PDHX: variants seen among roughly 807,000 people sequenced by gnomAD.
PDHX encodes the protein pyruvate dehydrogenase complex component X.
In PDHX, 33 loss-of-function variants were observed where a neutral mutation model predicts 55.3. The observed-to-expected ratio is 0.60, with a 90% confidence interval of 0.45 to 0.80. PDHX has a LOEUF of 0.80. Ranked by LOEUF, PDHX falls within the 30% of genes least tolerant of loss-of-function variation. The pLI is 0.00. For synonymous variants in PDHX, 226 were observed against 219.4 expected (o/e 1.03, Z -0.27); for missense variants, 622 against 619.9 (o/e 1.00, Z -0.04).
chr11:34,995,867 T>A lies in PDHX; in HGVS notation c.*695T>A, dbSNP rs1047751954. 1 of 152,346 alleles carries A rather than the reference T, an allele frequency of 6.6e-6. No homozygotes were observed. The highest frequency in any genetic ancestry group is 6.5e-5 in the Admixed American group (1 of 15,270). The allele number at this position is 152,346 out of a possible 1,614,324, so 9.4% of individuals were successfully genotyped here. On this transcript the variant is annotated 3_prime_UTR_variant, in exon 11 of 11. Transcript: ENST00000227868. ...AAAGAATGACATTTCAAAAAAATGGTTCAATGAAAAACTATAGCTAAAATA... is the reference window on the plus strand; with the variant it reads ...AAAGAATGACATTTCAAAAAAATGGATCAATGAAAAACTATAGCTAAAATA...
At chr11:34,918,276 T>TTA (rs879358275) in intron 1 of PDHX, among the ~76,000 whole-genome samples, 2 of 142,324 alleles carry the variant, frequency 1.4e-5, no homozygotes, top group Non-Finnish European at 1.5e-5. Flanking sequence ...CGTCTCTACT[T>TTA]AAAAAAAAAA....
At chr11:34,956,156 A>G (rs984653246) in intron 3 of PDHX, among the ~76,000 whole-genome samples, 1 of 152,114 alleles carries the variant, frequency 6.6e-6, no homozygotes, top group Non-Finnish European at 1.5e-5. Flanking sequence ...GTATTCTTCC[A>G]TAGCTTGTAA....
chr11:34,935,737 G>T (rs2956126), intron 2 of PDHX, among the ~76,000 whole-genome samples: 119,345 of 152,064 alleles, frequency 0.78, 46,984 homozygotes, highest in East Asian at 0.83. Flanking sequence ...ATTATTATGC[G>T]TCATCTGGAG....
At chr11:34,972,885 C>T (rs1482499512) in intron 7 of PDHX, among the ~76,000 whole-genome samples, 1 of 152,034 alleles carries the variant, frequency 6.6e-6, no homozygotes, top group Non-Finnish European at 1.5e-5. Context: ...TTTCAGTTTT[C>T]TTAAATTTGT....
chr11:34,957,176 C>T (rs1400703571), intron 3 of PDHX, among the ~76,000 whole-genome samples: 1 of 152,016 alleles, frequency 6.6e-6, no homozygotes, highest in Non-Finnish European at 1.5e-5. Flanking sequence ...GTAGCATTAG[C>T]AAGTGGGAAG....
intron 9 of PDHX, among the ~76,000 whole-genome samples, chr11:34,989,822 C>T (rs1855723268): frequency 1.3e-5 from 2 of 152,198 alleles, no homozygotes; most frequent in African/African-American, 4.8e-5. Flanking sequence ...GTTCACCCTT[C>T]TGTGTTCCCT....
intron 9 of PDHX, among the ~76,000 whole-genome samples, chr11:34,987,217 G>T (rs549851726): frequency 4.0e-5 from 6 of 151,560 alleles, no homozygotes; most frequent in African/African-American, 1.5e-4. Context: ...TTTTTCTCCC[G>T]CAAAGTTACC....
At position 34,977,889 on chromosome 11, in the gene PDHX, T is replaced by A. The variant is rs1177471811; in HGVS notation, c.965-235T>A. ...ATGATATCTAAGCAATTTAAAAAAT[T>A]GATAACCAAGGCCCAGAAGTAAACT... On this transcript the variant is annotated intron_variant, in intron 7 of 10. Transcript: ENST00000227868. 8.9e-6 allele frequency: 5 copies of A among 560,268 alleles called. No homozygotes were observed. In the Admixed American group the frequency reaches 1.1e-4, roughly 12 times the overall value. The allele number at this position is 560,268 out of a possible 1,614,324, so 34.7% of individuals were successfully genotyped here. A position where few individuals can be genotyped will look rare whatever the true frequency, so the allele number is the denominator to read the frequency against.
intron 7 of PDHX, among the ~76,000 whole-genome samples, chr11:34,971,792 A>G (rs1855263599): frequency 6.6e-6 from 1 of 152,140 alleles, no homozygotes; most frequent in South Asian, 2.1e-4. Flanking sequence ...AATGGGTTGG[A>G]AAACATGTCC....
In PDHX at chr11:34,919,538, C is replaced by G. The variant is rs752485101; in HGVS notation, c.160+2723C>G. ...AGCACTTTCTAGAATTTCTCATTCACTTCTCACATAACCTAGTAAAGTTGG... is the reference window on the plus strand; with the variant it reads ...AGCACTTTCTAGAATTTCTCATTCAGTTCTCACATAACCTAGTAAAGTTGG... On this transcript the variant is annotated intron_variant, in intron 1 of 10. Transcript: ENST00000227868. Among the ~76,000 whole-genome samples the G allele has an allele frequency of 6.6e-5, 10 of 152,306 alleles. No individual in the cohort carries two copies. The South Asian group carries it at 2.1e-3, about 32-fold the overall frequency.
intron 1 of PDHX, among the ~76,000 whole-genome samples, chr11:34,929,314 A>G (rs3794162): frequency 0.19 from 28,832 of 152,134 alleles, 3,902 homozygotes; most frequent in African/African-American, 0.39. Flanking sequence ...CACTGCAACC[A>G]TCTCCTCCCA....
intron 4 of PDHX, among the ~76,000 whole-genome samples, chr11:34,958,819 CTG>C (rs1854959954): frequency 6.6e-6 from 1 of 152,142 alleles, no homozygotes; most frequent in Non-Finnish European, 1.5e-5. Context: ...TCAGGCCCCA[CTG>C]TGTAGGTTAA....
intron 2 of PDHX, among the ~76,000 whole-genome samples, chr11:34,943,440 G>C (rs1279008618): frequency 1.3e-5 from 2 of 152,116 alleles, no homozygotes; most frequent in African/African-American, 4.8e-5. Context: ...GCTAGAGTCT[G>C]TTTTCTAGGC....
intron 1 of PDHX, among the ~76,000 whole-genome samples, chr11:34,927,309 G>A (rs1185443091): frequency 6.6e-6 from 1 of 152,094 alleles, no homozygotes; most frequent in Non-Finnish European, 1.5e-5. Flanking sequence ...CTACTTACCT[G>A]TAGTTGTGGG....
intron 4 of PDHX, among the ~76,000 whole-genome samples, chr11:34,959,411 A>T (rs1854974297): frequency 6.6e-6 from 1 of 151,976 alleles, no homozygotes; most frequent in Non-Finnish European, 1.5e-5. Context: ...CAAAACAAAC[A>T]AACAAACAAA....
intron 3 of PDHX, among the ~76,000 whole-genome samples, chr11:34,948,491 A>G (rs1314937672): frequency 6.6e-6 from 1 of 151,696 alleles, no homozygotes; most frequent in African/African-American, 2.4e-5. Flanking sequence ...CAAAGACTAC[A>G]CTTCAGAATG....
At chr11:34,953,714 T>G (rs1468559104) in intron 3 of PDHX, among the ~76,000 whole-genome samples, 1 of 152,216 alleles carries the variant, frequency 6.6e-6, no homozygotes, top group Non-Finnish European at 1.5e-5. Flanking sequence ...GGATACCATC[T>G]CTGATGTTAG....
rs200419151 is a variant in PDHX at position 34,916,690 on chromosome 11, G to A, written c.35G>A (p.Arg12Gln). 3 of 1,612,112 alleles carry A rather than the reference G, an allele frequency of 1.9e-6. No homozygotes were observed. The highest frequency in any genetic ancestry group is 2.5e-6 in the Non-Finnish European group (3 of 1,179,932). ...TCCTGGAGGCTGGGCTGTGATCCGC[G>A]GCTGCTGCGTTATCTTGTGGGCTTC... ...AASWRLGCDPRLLRYLVGFPG... is the reference protein window; with the variant it reads ...AASWRLGCDPQLLRYLVGFPG... Residue 12 changes from arginine (R) to glutamine (Q), a missense_variant, in exon 1 of 11, where the codon CGG becomes CAG. Arg to Gln is a conservative substitution (Grantham distance 43). Transcript: ENST00000227868.
intron 7 of PDHX, among the ~76,000 whole-genome samples, chr11:34,974,735 C>T (rs1159657551): frequency 1.3e-5 from 2 of 152,074 alleles, no homozygotes; most frequent in Non-Finnish European, 2.9e-5. Flanking sequence ...GAACGAGACC[C>T]TATCTCTACA....
Sources: allele counts gnomAD v4.1 joint callset (sites outside exome capture counted in the v4.1 genomes callset), GRCh38; gene constraint gnomAD v4.1.1; transcripts MANE v1.5; gene names NCBI Gene and HGNC (gene_info 2026-07-23, HGNC 2026-07-21).